WDR53: variants seen among roughly 807,000 people sequenced by gnomAD.
WDR53 encodes the protein WD repeat-containing protein 53.
Under a neutral mutation model 21.3 loss-of-function variants are expected in WDR53, and 19 were observed. The ratio of observed to expected loss-of-function variants is 0.89; its 90% CI spans 0.62 to 1.31. The LOEUF is 1.31. WDR53 is among the 50% of genes most tolerant of loss of function. The pLI is 0.00. For synonymous variants in WDR53, 157 were observed against 163.4 expected (o/e 0.96, Z 0.30); for missense variants, 374 against 423.2 (o/e 0.88, Z 1.02).
intron 1 of WDR53, among the ~76,000 whole-genome samples, chr3:196,567,751 TTGTGTGTGTGTGTGTGTG>T (rs3080583): frequency 1.7e-4 from 25 of 143,666 alleles, no homozygotes; most frequent in South Asian, 2.3e-4. Context: ...GCTGAAATTC[TTGTGTGTGTGTGTGTGTG>T]TGTGTGTGTG....
At chr3:196,557,931 C>T (rs763904822) in intron 3 of WDR53, among the ~76,000 whole-genome samples, 1 of 151,754 alleles carries the variant, frequency 6.6e-6, no homozygotes, top group Admixed American at 6.6e-5. Flanking sequence ...GTGCTCACTA[C>T]ACACCTGGCT....
intron 2 of WDR53, among the ~76,000 whole-genome samples, chr3:196,566,389 G>A (rs1735394589): frequency 6.6e-6 from 1 of 150,884 alleles, no homozygotes; most frequent in Non-Finnish European, 1.5e-5. Flanking sequence ...TGCCCTGCCA[G>A]GTGAGTTATT....
At chr3:196,560,325 C>A (rs1258432241) in intron 3 of WDR53, among the ~76,000 whole-genome samples, 1 of 151,896 alleles carries the variant, frequency 6.6e-6, no homozygotes, top group African/African-American at 2.4e-5. Context: ...TCACTGCAAC[C>A]TCCACCTCCT....
chr3:196,556,692 C>T (rs1228619057), intron 3 of WDR53, among the ~76,000 whole-genome samples: 4 of 151,242 alleles, frequency 2.6e-5, no homozygotes, highest in African/African-American at 9.7e-5. Flanking sequence ...CACACACACA[C>T]AGAAAATGGA....
At chr3:196,560,861 A>G in intron 3 of WDR53, 135 bp downstream of exon 3, 2 of 1,104,420 alleles carry the variant, frequency 1.8e-6, no homozygotes, top group Non-Finnish European at 2.6e-6. Context: ...AAATGTAGAA[A>G]TAAGGCTTAT....
rs1374877786 is a variant in WDR53 at position 196,567,213 on chromosome 3, C to T, written c.-353G>A. The stretch of plus-strand genomic sequence containing the variant: ...CACCATCACCAGAGTCAGCACAGGT[C>T]AACTTTTCTCTACAGGCTTGGGGTT... On this transcript the variant is annotated 5_prime_UTR_variant, in exon 2 of 4. Transcript: ENST00000332629. The T allele has an allele frequency of 6.6e-6, 3 of 457,150 alleles. No individual in the cohort carries two copies. The highest frequency in any genetic ancestry group is 2.0e-5 in the African/African-American group (1 of 50,090). 28.3% of individuals were successfully genotyped at this position (457,150 alleles called of 1,614,324 possible). A position where few individuals can be genotyped will look rare whatever the true frequency, so the allele number is the denominator to read the frequency against.
chr3:196,556,026 G>A (rs1734282889), intron 3 of WDR53, among the ~76,000 whole-genome samples: 1 of 152,010 alleles, frequency 6.6e-6, no homozygotes, highest in Admixed American at 6.6e-5. Flanking sequence ...TAACACGAAG[G>A]AGTGCTGAAA....
chr3:196,558,795 A>G (rs1441859044), intron 3 of WDR53, among the ~76,000 whole-genome samples: 1 of 152,236 alleles, frequency 6.6e-6, no homozygotes, highest in African/African-American at 2.4e-5. Context: ...AAATAATTAT[A>G]GAGTTTCAAC....
At chr3:196,561,913 G>A (rs1348964698) in intron 2 of WDR53, among the ~76,000 whole-genome samples, 1 of 152,172 alleles carries the variant, frequency 6.6e-6, no homozygotes, top group Non-Finnish European at 1.5e-5. Flanking sequence ...GCAGTAGCTA[G>A]GGGACTGGGC....
chr3:196,565,689 TTTAC>T (rs775512846), intron 2 of WDR53, among the ~76,000 whole-genome samples: 12 of 152,202 alleles, frequency 7.9e-5, no homozygotes, highest in Non-Finnish European at 1.3e-4. Context: ...TCCAAAATTG[TTTAC>T]TTAGTCTATA....
At chr3:196,555,921 A>G (rs1456062337) in intron 3 of WDR53, among the ~76,000 whole-genome samples, 1 of 152,244 alleles carries the variant, frequency 6.6e-6, no homozygotes, top group Non-Finnish European at 1.5e-5. Context: ...GATTTATAAC[A>G]TTATACTATG....
intron 3 of WDR53, among the ~76,000 whole-genome samples, chr3:196,556,485 T>A (rs1369290589): frequency 6.6e-6 from 1 of 151,840 alleles, no homozygotes; most frequent in African/African-American, 2.4e-5. Flanking sequence ...TGAAACTGCA[T>A]CTCTACTAAA....
Position 196,561,191 on chromosome 3 carries a change from T to C in WDR53, c.285A>G (p.Glu95=), listed in dbSNP as rs1481904221. Reference sequence around the variant, plus strand: ...GATTCAATGAAAGACAATTGATTTCTTCTTCATTCACATGAAAATGGTCCA... The same window carrying C: ...GATTCAATGAAAGACAATTGATTTCCTCTTCATTCACATGAAAATGGTCCA... The part of the protein sequence containing the change: ...DSLDHFHVNE[E]EINCLSLNQT... Residue 95 remains glutamate, a synonymous_variant, in exon 3 of 4, where the codon GAA becomes GAG. Coordinates refer to ENST00000332629, the MANE Select transcript of WDR53 (RefSeq NM_182627.3). The C allele has an allele frequency of 6.2e-7, 1 of 1,614,248 alleles. No homozygotes were observed. The highest frequency in any genetic ancestry group is 1.1e-5 in the South Asian group (1 of 91,088).
intron 2 of WDR53, among the ~76,000 whole-genome samples, chr3:196,562,267 G>A (rs1285045280): frequency 6.6e-6 from 1 of 152,192 alleles, no homozygotes; most frequent in East Asian, 1.9e-4. Context: ...TTGTTGTTTT[G>A]TTTTGTTTTC....
At chr3:196,554,884 A>G in intron 3 of WDR53, 77 bp from the exon 4 acceptor site, 1 of 1,233,154 alleles carries the variant, frequency 8.1e-7, no homozygotes, top group Non-Finnish European at 1.2e-6. Flanking sequence ...TTCAGCTTCT[A>G]ATAAAATCGT....
chr3:196,558,135 A>G (rs1734507156), intron 3 of WDR53, among the ~76,000 whole-genome samples: 1 of 152,108 alleles, frequency 6.6e-6, no homozygotes, highest in African/African-American at 2.4e-5. Flanking sequence ...TTAAATAAAA[A>G]ATTAAGCAGT....
At chr3:196,567,352 A>G (rs542368868) in intron 1 of WDR53, 45 bp from the exon 2 acceptor site, 6 of 401,346 alleles carry the variant, frequency 1.5e-5, no homozygotes, top group Non-Finnish European at 2.5e-5. Context: ...TTGGTGAAAA[A>G]GACATGAGGA....
intron 3 of WDR53, among the ~76,000 whole-genome samples, chr3:196,559,161 T>C (rs938698171): frequency 2.6e-5 from 4 of 152,238 alleles, no homozygotes; most frequent in South Asian, 2.1e-4. Context: ...ACAGAATGAC[T>C]ACTCAAAGAC....
intron 3 of WDR53, among the ~76,000 whole-genome samples, chr3:196,560,305 T>C (rs903648480): frequency 5.9e-5 from 9 of 151,270 alleles, no homozygotes; most frequent in African/African-American, 1.9e-4. Flanking sequence ...TGCAGTGGCA[T>C]GATCTCGGCT....
Sources: gnomAD v4.1 joint callset for allele counts (sites outside exome capture counted in the v4.1 genomes callset) on GRCh38, gnomAD v4.1.1 for gene constraint, MANE v1.5 for transcripts, NCBI Gene and HGNC (gene_info 2026-07-23, HGNC 2026-07-21) for gene names.